Variants in NEK10 observed in about 807,000 individuals in gnomAD.
NEK10 encodes the protein serine/threonine-protein kinase Nek10.
A neutral mutation model predicts 159.8 loss-of-function variants in NEK10; 122 were observed. That is an observed-to-expected ratio of 0.76 (90% CI 0.66 to 0.89). The LOEUF is 0.89. NEK10 is among the 40% of genes least tolerant of loss of function. The pLI is 0.00. For missense variants in NEK10, 1,342 were observed against 1,323.1 expected (o/e 1.01, Z -0.22); for synonymous variants, 466 against 457.1 (o/e 1.02, Z -0.25).
chr3:27,269,208 G>T (rs1212680505), intron 22 of NEK10, among the ~76,000 whole-genome samples: 6 of 152,100 alleles, frequency 3.9e-5, no homozygotes, highest in Non-Finnish European at 5.9e-5. Context: ...GACAAGAAAA[G>T]ATTTAGAATA....
At chr3:27,245,758 A>C (rs948636403) in intron 23 of NEK10, among the ~76,000 whole-genome samples, 3 of 152,194 alleles carry the variant, frequency 2.0e-5, no homozygotes, top group Admixed American at 2.0e-4. Flanking sequence ...CTAATTTCTT[A>C]ATTATTCAAT....
intron 25 of NEK10, among the ~76,000 whole-genome samples, chr3:27,197,687 C>T (rs746575567): frequency 6.6e-6 from 1 of 152,126 alleles, no homozygotes; most frequent in African/African-American, 2.4e-5. Context: ...ATTGGGTTTT[C>T]TAGATACAGG....
At chr3:27,330,365 G>GA (rs1161772157) in intron 5 of NEK10, among the ~76,000 whole-genome samples, 2 of 151,926 alleles carry the variant, frequency 1.3e-5, no homozygotes, top group Non-Finnish European at 2.9e-5. Context: ...GTAAAAGAGA[G>GA]AAAAAAAGAC....
intron 26 of NEK10, among the ~76,000 whole-genome samples, chr3:27,190,607 C>T (rs1334462117): frequency 2.6e-5 from 4 of 152,082 alleles, no homozygotes; most frequent in African/African-American, 7.2e-5. Flanking sequence ...TGCCACTCAG[C>T]CCCAAATCAG....
chr3:27,293,519 T>C (rs746424005), intron 16 of NEK10, 69 bp downstream of exon 16: 3 of 753,040 alleles, frequency 4.0e-6, no homozygotes, highest in South Asian at 1.9e-5. Flanking sequence ...CTAAGCCAAG[T>C]ATGTGAAAAC....
intron 5 of NEK10, among the ~76,000 whole-genome samples, chr3:27,330,329 C>G (rs2046309462): frequency 1.3e-5 from 2 of 152,122 alleles, no homozygotes; most frequent in South Asian, 4.1e-4. Flanking sequence ...TGCTTCATGT[C>G]TATGTTTAAG....
chr3:27,300,819 G>A (rs919697625), intron 13 of NEK10, among the ~76,000 whole-genome samples: 6 of 152,230 alleles, frequency 3.9e-5, no homozygotes, highest in Admixed American at 6.5e-5. Context: ...CTTGTACTGA[G>A]ACAGGGGCCT....
intron 5 of NEK10, among the ~76,000 whole-genome samples, chr3:27,333,824 G>A (rs144846630): frequency 0.016 from 2,491 of 152,304 alleles, 40 homozygotes; most frequent in South Asian, 0.027. Flanking sequence ...AGAGCTGGCT[G>A]TTGACCCCAG....
chr3:27,157,266 C>G (rs1223478610), intron 30 of NEK10, among the ~76,000 whole-genome samples: 2 of 151,598 alleles, frequency 1.3e-5, no homozygotes, highest in African/African-American at 4.8e-5. Flanking sequence ...CAAAATCTCA[C>G]AAATCACCAC....
chr3:27,280,047 A>C (rs192535775), intron 22 of NEK10, among the ~76,000 whole-genome samples: 219 of 145,724 alleles, frequency 1.5e-3, no homozygotes, highest in African/African-American at 5.2e-3. Context: ...TAAAAGGTGA[A>C]TTGACCATAT....
intron 30 of NEK10, among the ~76,000 whole-genome samples, chr3:27,144,280 C>T (rs1320758925): frequency 6.6e-6 from 1 of 152,236 alleles, no homozygotes; most frequent in Admixed American, 6.5e-5. Flanking sequence ...CTGAAGACTA[C>T]TATGTGTCCT....
chr3:27,115,315 T>C (rs1940239204), intron 35 of NEK10, among the ~76,000 whole-genome samples: 2 of 152,310 alleles, frequency 1.3e-5, no homozygotes, highest in Non-Finnish European at 2.9e-5. Context: ...CTCAAATTGT[T>C]GTGCCAACAC....
At chr3:27,227,492 A>C (rs1386798641) in intron 23 of NEK10, among the ~76,000 whole-genome samples, 2 of 151,682 alleles carry the variant, frequency 1.3e-5, no homozygotes, top group Non-Finnish European at 2.9e-5. Flanking sequence ...ATAGTCAAAC[A>C]CCTCCTCCTC....
chr3:27,174,945 G>A, intron 26 of NEK10, 112 bp from the exon 27 acceptor site: 1 of 874,150 alleles, frequency 1.1e-6, no homozygotes, highest in Non-Finnish European at 1.7e-6. Flanking sequence ...ATAAATGTTT[G>A]ATGCAGAAGA....
chr3:27,237,759 T>G (rs768529287), intron 23 of NEK10, among the ~76,000 whole-genome samples: 3 of 152,112 alleles, frequency 2.0e-5, no homozygotes, highest in Admixed American at 6.6e-5. Context: ...AAATCACCAC[T>G]TAAGAACCTA....
Position 27,119,880 on chromosome 3 carries a change from A to C in NEK10, c.3082-12T>G. The C allele has an allele frequency of 6.3e-7, 1 of 1,599,210 alleles. No individual in the cohort carries two copies. On this transcript the variant is annotated splice_polypyrimidine_tract_variant and intron_variant, in intron 32 of 35. Transcript: ENST00000691995. ...GATCCCTGAGATAACTGAAATAGAA[A>C]AAGCAAAATCACATCTTAGTTTACA...
At chr3:27,245,176 C>T (rs1177675609) in intron 23 of NEK10, among the ~76,000 whole-genome samples, 3 of 152,174 alleles carry the variant, frequency 2.0e-5, no homozygotes, top group African/African-American at 7.2e-5. Flanking sequence ...GCTAACGTGC[C>T]AACCGTTAGT....
intron 23 of NEK10, among the ~76,000 whole-genome samples, chr3:27,218,873 C>T (rs1389533213): frequency 2.0e-5 from 3 of 152,108 alleles, no homozygotes; most frequent in African/African-American, 7.2e-5. Flanking sequence ...GACATCTGCA[C>T]AATTCTCAGG....
chr3:27,291,312 A>G lies in NEK10; in HGVS notation c.1555T>C (p.Tyr519His). Residue 519 changes from tyrosine to histidine, a missense_variant, in exon 18 of 36, where the codon TAT (tyrosine) becomes CAT (histidine). Transcript: ENST00000691995. Reference protein sequence around the residue: ...NKAPLKYIGNYAILDHLGSGA... With the variant: ...NKAPLKYIGNHAILDHLGSGA... ...CTTCCAAGATGATCCAAAATTGCATAGTTGCCTATATATTTCAAAGGAGCT... is the reference window on the plus strand; with the variant it reads ...CTTCCAAGATGATCCAAAATTGCATGGTTGCCTATATATTTCAAAGGAGCT... 1 of 1,613,624 alleles carries G rather than the reference A, an allele frequency of 6.2e-7. No homozygotes were observed.
Sources: allele counts gnomAD v4.1 joint callset (sites outside exome capture counted in the v4.1 genomes callset), GRCh38; gene constraint gnomAD v4.1.1; transcripts MANE v1.5; gene names NCBI Gene and HGNC (gene_info 2026-07-23, HGNC 2026-07-21).